The following ST6GALNAC5 variants were observed in gnomAD, a reference collection of about 807,000 sequenced individuals.
ST6GALNAC5 encodes ST6 N-acetylgalactosaminide alpha-2,6-sialyltransferase 5.
ST6GALNAC5 carries 27 observed loss-of-function variants against 33.6 expected under a neutral mutation model. The observed-to-expected ratio is 0.80, with a 90% CI of 0.59 to 1.11. The LOEUF is 1.11. Among genes scored for constraint, ST6GALNAC5 ranks in the 50% least tolerant of loss-of-function variants. ST6GALNAC5 has a pLI of 0.00. For missense variants in ST6GALNAC5, 428 were observed against 454.0 expected, an observed-to-expected ratio of 0.94 and a Z score of 0.52; for synonymous variants, 194 against 171.2, an observed-to-expected ratio of 1.13 and a Z score of -1.04.
chr1:77,028,636 T>C (rs1202707143), intron 2 of ST6GALNAC5, among the ~76,000 whole-genome samples: 3 of 152,198 alleles, frequency 2.0e-5, no homozygotes, highest in Non-Finnish European at 4.4e-5. Flanking sequence ...ATGGCTGAGT[T>C]TGGTGAAGAA....
At chr1:76,896,945 A>G (rs181352317) in intron 2 of ST6GALNAC5, among the ~76,000 whole-genome samples, 2,116 of 152,284 alleles carry the variant, frequency 0.014, 52 homozygotes, top group African/African-American at 0.048. Context: ...CTCTTGTATA[A>G]GAATTCTGAC....
intron 2 of ST6GALNAC5, among the ~76,000 whole-genome samples, chr1:77,033,841 G>A (rs1324609562): frequency 2.0e-5 from 3 of 152,066 alleles, no homozygotes; most frequent in African/African-American, 7.2e-5. Context: ...GGGCCATGAG[G>A]CAGACAAGAT....
chr1:77,055,686 G>A (rs1036476985), intron 4 of ST6GALNAC5, among the ~76,000 whole-genome samples: 1 of 131,466 alleles, frequency 7.6e-6, no homozygotes, highest in Non-Finnish European at 1.8e-5. Flanking sequence ...TTAGCCCCCT[G>A]TCTGAGTCAG....
intron 2 of ST6GALNAC5, among the ~76,000 whole-genome samples, chr1:76,974,308 T>A (rs1648905003): frequency 8.3e-6 from 1 of 121,180 alleles, no homozygotes. Context: ...GGGCTCAAAG[T>A]GATCCTCCTA....
chr1:76,944,724 G>T (rs1252598), intron 2 of ST6GALNAC5, among the ~76,000 whole-genome samples: 86,559 of 151,944 alleles, frequency 0.57, 24,877 homozygotes, highest in South Asian at 0.61. Flanking sequence ...AAGGTCTCAG[G>T]TTAACGTGAG....
chr1:76,959,697 T>C (rs1225059846), intron 2 of ST6GALNAC5, among the ~76,000 whole-genome samples: 1 of 152,232 alleles, frequency 6.6e-6, no homozygotes, highest in Non-Finnish European at 1.5e-5. Context: ...GCCCATCAAA[T>C]CTGGCTGCTT....
chr1:77,000,890 T>A lies in ST6GALNAC5; in HGVS notation c.262-43314T>A, dbSNP rs532676041. Reference sequence around the variant, plus strand: ...ACCAGTACCATGCTGTTTTGGTTACTGTAGCCTTGTAATATAGTTTGAAGT... The same window carrying A: ...ACCAGTACCATGCTGTTTTGGTTACAGTAGCCTTGTAATATAGTTTGAAGT... On this transcript the variant is annotated intron_variant, in intron 2 of 4. Transcript: ENST00000477717. Among the ~76,000 whole-genome samples the A allele has an allele frequency of 2.6e-5, 4 of 152,298 alleles. No homozygotes were observed. The South Asian group carries it at 8.3e-4, about 32-fold the overall frequency.
chr1:76,918,037 CA>C (rs1047465345), intron 2 of ST6GALNAC5, among the ~76,000 whole-genome samples: 3 of 152,038 alleles, frequency 2.0e-5, no homozygotes, highest in Non-Finnish European at 4.4e-5. Context: ...AATGTTTGAC[CA>C]AATGTCTGGG....
Position 76,868,390 on chromosome 1 carries a change from C to A in ST6GALNAC5, c.16-107C>A. The A allele has an allele frequency of 6.9e-7, 1 of 1,450,928 alleles. No homozygotes were observed. The highest frequency in any genetic ancestry group is 9.1e-7 in the Non-Finnish European group (1 of 1,097,910). The allele number at this position is 1,450,928 out of a possible 1,614,324, so 89.9% of individuals were successfully genotyped here. ...GGCGGGGCTGGGGCCCAGGCCGCCCCAAATCTCCCCCACTAGAGTGACCAC... is the reference window on the plus strand; with the variant it reads ...GGCGGGGCTGGGGCCCAGGCCGCCCAAAATCTCCCCCACTAGAGTGACCAC... On this transcript the variant is annotated intron_variant, in intron 1 of 4. Transcript: ENST00000477717. The surrounding 1 kb of genome is among the most constrained non-coding windows in gnomAD (Gnocchi z 4.3).
intron 2 of ST6GALNAC5, among the ~76,000 whole-genome samples, chr1:76,886,524 A>T (rs1653899555): frequency 6.6e-6 from 1 of 152,140 alleles, no homozygotes; most frequent in Non-Finnish European, 1.5e-5. Context: ...GATGGCTTTC[A>T]AGTAAAAGGG....
At chr1:76,976,132 AAGAC>A (rs1184433785) in intron 2 of ST6GALNAC5, among the ~76,000 whole-genome samples, 5 of 151,952 alleles carry the variant, frequency 3.3e-5, no homozygotes, top group Admixed American at 2.0e-4. Flanking sequence ...TTAAAGAAGA[AAGAC>A]AGAGACAGAG....
intron 2 of ST6GALNAC5, among the ~76,000 whole-genome samples, chr1:77,004,258 A>G (rs1281453458): frequency 1.3e-5 from 2 of 150,266 alleles, no homozygotes; most frequent in Non-Finnish European, 3.0e-5. Context: ...TCCATCGCTG[A>G]TACCCTTTCT....
chr1:77,062,695 T>C (rs1335470512), intron 4 of ST6GALNAC5, among the ~76,000 whole-genome samples: 3 of 152,162 alleles, frequency 2.0e-5, no homozygotes, highest in Non-Finnish European at 4.4e-5. Context: ...ACAATACTAT[T>C]GTTGTGACTT....
chr1:76,917,423 T>C (rs1267950076), intron 2 of ST6GALNAC5, among the ~76,000 whole-genome samples: 1 of 152,140 alleles, frequency 6.6e-6, no homozygotes, highest in Non-Finnish European at 1.5e-5. Context: ...TAATCTATTA[T>C]TGATCTACGA....
chr1:76,955,367 C>T (rs905350498), intron 2 of ST6GALNAC5, among the ~76,000 whole-genome samples: 2 of 152,080 alleles, frequency 1.3e-5, no homozygotes, highest in Admixed American at 1.3e-4. Flanking sequence ...ATCTGTGTTC[C>T]TTAGGTGTGT....
chr1:76,963,604 A>C (rs1321144656), intron 2 of ST6GALNAC5, among the ~76,000 whole-genome samples: 2 of 152,308 alleles, frequency 1.3e-5, no homozygotes, highest in South Asian at 2.1e-4. Context: ...TTTAGTAGGC[A>C]GGTGGAGCTG....
chr1:76,885,758 C>A (rs1044692410), intron 2 of ST6GALNAC5, among the ~76,000 whole-genome samples: 2 of 152,164 alleles, frequency 1.3e-5, no homozygotes, highest in Non-Finnish European at 2.9e-5. Context: ...TGTTTACAAC[C>A]CTTAGCACTT....
chr1:77,016,499 G>A (rs1650858738), intron 2 of ST6GALNAC5, among the ~76,000 whole-genome samples: 1 of 151,854 alleles, frequency 6.6e-6, no homozygotes, highest in Non-Finnish European at 1.5e-5. Flanking sequence ...GTGCACAATG[G>A]TCATTGCACA....
intron 2 of ST6GALNAC5, among the ~76,000 whole-genome samples, chr1:76,963,906 C>A (rs900665329): frequency 6.6e-6 from 1 of 152,108 alleles, no homozygotes; most frequent in African/African-American, 2.4e-5. Flanking sequence ...AGGGGAGAAC[C>A]TTTTCCCACT....
Sources: gnomAD v4.1 joint callset for allele counts (sites outside exome capture counted in the v4.1 genomes callset) on GRCh38, gnomAD v4.1.1 for gene constraint, Gnocchi (gnomAD v3.1) non-coding constraint, MANE v1.5 for transcripts, NCBI Gene and HGNC (gene_info 2026-07-23, HGNC 2026-07-21) for gene names.